Variants in GNA12 observed in about 807,000 individuals in gnomAD.
GNA12 encodes guanine nucleotide-binding protein subunit alpha-12.
GNA12 carries 9 observed loss-of-function variants against 26.0 expected under a neutral mutation model. The ratio of observed to expected loss-of-function variants is 0.35; its 90% confidence interval spans 0.21 to 0.60. The LOEUF is 0.60. GNA12 is among the 20% of genes least tolerant of loss of function. The probability of loss-of-function intolerance (pLI) is 0.78; values close to 1 mark genes in which losing one functional copy is unlikely to be tolerated. For synonymous variants in GNA12, 264 were observed against 219.6 expected (o/e 1.20, Z -1.79); for missense variants, 405 against 525.8 (o/e 0.77, Z 2.25).
At chr7:2,744,945 G>T (rs919386701) in intron 2 of GNA12, among the ~76,000 whole-genome samples, 7 of 152,156 alleles carry the variant, frequency 4.6e-5, no homozygotes, top group African/African-American at 1.7e-4. Context: ...TGAATGAAAT[G>T]AAGTGAGAAG....
rs183724239 is a variant in GNA12, at chr7:2,821,273, G to C, written c.309+22580C>G. ...TATCCTGAGGGGAGACTCTCCGCCT[G>C]TTCAACACAGGGACACGCTGCCTCC... On this transcript the variant is annotated intron_variant, in intron 1 of 3. Transcript: ENST00000275364. 1.9e-3 allele frequency among the ~76,000 whole-genome samples: 295 copies of C among 152,326 alleles called. 2 individuals carry two copies. Among genetic ancestry groups the C allele is most frequent in the South Asian group, 0.017 (84 of 4,828 alleles).
At chr7:2,831,271 T>C (rs1201712052) in intron 1 of GNA12, among the ~76,000 whole-genome samples, 2 of 152,116 alleles carry the variant, frequency 1.3e-5, no homozygotes, top group African/African-American at 4.8e-5. Flanking sequence ...CAGGGAGTTT[T>C]GCCTCCTGGT....
At chr7:2,775,788 G>C (rs1792062109) in intron 2 of GNA12, among the ~76,000 whole-genome samples, 1 of 152,208 alleles carries the variant, frequency 6.6e-6, no homozygotes, top group African/African-American at 2.4e-5. Context: ...TACAGGCCAG[G>C]CTCAGAATCA....
intron 1 of GNA12, among the ~76,000 whole-genome samples, chr7:2,815,447 CAG>C (rs1793196603): frequency 6.6e-6 from 1 of 152,182 alleles, no homozygotes; most frequent in Non-Finnish European, 1.5e-5. Flanking sequence ...AGAGATGACT[CAG>C]CGCAGGTTGG....
Position 2,728,485 on chromosome 7 carries a change from A to T in GNA12, c.*2696T>A, listed in dbSNP as rs1434452870. On this transcript the variant is annotated 3_prime_UTR_variant, in exon 4 of 4. Coordinates refer to ENST00000275364, the MANE Select transcript of GNA12 (RefSeq NM_007353.3). ...TTGAAACAATTTCTCTACGAACATA[A>T]GAGTTAAAAATAGATTTCAGTAAAA... 1 of 152,410 alleles carries T rather than the reference A, an allele frequency of 6.6e-6. No individual in the cohort carries two copies. The highest frequency in any genetic ancestry group is 2.4e-5 in the African/African-American group (1 of 41,448). 9.4% of individuals were successfully genotyped at this position (152,410 alleles called of 1,614,324 possible). A position where few individuals can be genotyped will look rare whatever the true frequency, so the allele number is the denominator to read the frequency against.
chr7:2,737,614 G>A (rs1368348430), intron 2 of GNA12, among the ~76,000 whole-genome samples: 1 of 152,138 alleles, frequency 6.6e-6, no homozygotes, highest in Non-Finnish European at 1.5e-5. Context: ...TGCACTTAGT[G>A]AGGTTAACTC....
chr7:2,815,111 G>A lies in GNA12; in HGVS notation c.310-19968C>T, dbSNP rs547081544. 6.6e-5 allele frequency: 64 copies of A among 975,944 alleles called. No individual in the cohort carries two copies. In the African/African-American group the frequency reaches 9.2e-4, roughly 14 times the overall value. 60.5% of individuals were successfully genotyped at this position (975,944 alleles called of 1,614,324 possible). A position where few individuals can be genotyped will look rare whatever the true frequency, so the allele number is the denominator to read the frequency against. On this transcript the variant is annotated intron_variant, in intron 1 of 3. Coordinates refer to ENST00000275364, the MANE Select transcript of GNA12 (RefSeq NM_007353.3). ...GAACCAGACAGACAAGGCCTTGCCCGCATGAGGCTTCCAAGCTCACTGGAG... is the reference window on the plus strand; with the variant it reads ...GAACCAGACAGACAAGGCCTTGCCCACATGAGGCTTCCAAGCTCACTGGAG...
At chr7:2,842,521 C>T (rs143560284) in intron 1 of GNA12, among the ~76,000 whole-genome samples, 1 of 152,212 alleles carries the variant, frequency 6.6e-6, no homozygotes, top group Non-Finnish European at 1.5e-5. Context: ...TGGTCTCAAA[C>T]TTCTGGCCTC....
chr7:2,779,676 A>G (rs965622375), intron 2 of GNA12, among the ~76,000 whole-genome samples: 5 of 152,052 alleles, frequency 3.3e-5, no homozygotes, highest in Admixed American at 2.0e-4. Flanking sequence ...TTGGCTCACT[A>G]CAACTTCAGC....
At chr7:2,778,797 A>G (rs1792142304) in intron 2 of GNA12, among the ~76,000 whole-genome samples, 1 of 152,220 alleles carries the variant, frequency 6.6e-6, no homozygotes, top group Admixed American at 6.5e-5. Context: ...ATATGTAGCG[A>G]AAATGGTGAG....
At chr7:2,836,433 G>A (rs941168908) in intron 1 of GNA12, among the ~76,000 whole-genome samples, 1 of 152,204 alleles carries the variant, frequency 6.6e-6, no homozygotes, top group Non-Finnish European at 1.5e-5. Flanking sequence ...CTTGAGGGAT[G>A]ACAAGGCAGT....
Position 2,730,160 on chromosome 7 carries a change from A to G in GNA12, c.*1021T>C, listed in dbSNP as rs1789815496. ...AGCTCGCCAAGCAGCTGGGGCATTA[A>G]CAAAAGCTCTGCTAGTGGCCTTGCC... On this transcript the variant is annotated 3_prime_UTR_variant, in exon 4 of 4. Coordinates refer to ENST00000275364, the MANE Select transcript of GNA12 (RefSeq NM_007353.3). The G allele has an allele frequency of 6.6e-6, 1 of 152,390 alleles. No individual in the cohort carries two copies. The highest frequency in any genetic ancestry group is 2.1e-4 in the South Asian group (1 of 4,840). The allele number at this position is 152,390 out of a possible 1,614,324, so 9.4% of individuals were successfully genotyped here. A position where few individuals can be genotyped will look rare whatever the true frequency, so the allele number is the denominator to read the frequency against.
intron 2 of GNA12, among the ~76,000 whole-genome samples, chr7:2,734,811 C>G (rs569970369): frequency 2.0e-5 from 3 of 152,196 alleles, no homozygotes; most frequent in African/African-American, 4.8e-5. Context: ...TGTGGCAGGA[C>G]GGGGCGAGCA....
chr7:2,755,089 G>A (rs1038094036), intron 2 of GNA12, among the ~76,000 whole-genome samples: 1 of 152,160 alleles, frequency 6.6e-6, no homozygotes, highest in African/African-American at 2.4e-5. Flanking sequence ...CGGGCGTGCT[G>A]GCGGGGAGCG....
chr7:2,746,788 G>A (rs914653476), intron 2 of GNA12, among the ~76,000 whole-genome samples: 6 of 152,092 alleles, frequency 3.9e-5, no homozygotes, highest in Admixed American at 2.0e-4. Flanking sequence ...TAATAAAGAA[G>A]AAAAGAGAGA....
At chr7:2,793,248 TG>T (rs1792565076) in intron 2 of GNA12, among the ~76,000 whole-genome samples, 1 of 149,602 alleles carries the variant, frequency 6.7e-6, no homozygotes, top group South Asian at 2.1e-4. Flanking sequence ...CTAAACACAA[TG>T]GGGGATTCCA....
At chr7:2,754,354 G>C (rs1183790418) in intron 2 of GNA12, among the ~76,000 whole-genome samples, 1 of 152,062 alleles carries the variant, frequency 6.6e-6, no homozygotes, top group African/African-American at 2.4e-5. Flanking sequence ...GTATTGTTTT[G>C]AGAGTTCTGT....
chr7:2,742,308 G>A (rs751058414), intron 2 of GNA12, among the ~76,000 whole-genome samples: 21 of 152,036 alleles, frequency 1.4e-4, no homozygotes, highest in Non-Finnish European at 2.6e-4. Context: ...GAGCCACCAC[G>A]CCCAGCCTAC....
rs1440795612 is a variant in GNA12, at chr7:2,844,238, C to G, written c.-77G>C. ...TCCCGCCGGCGAGGGCGAGCCCGGGCCGAGGCACCGCCCCACGCCCCGCCG... is the reference window on the plus strand; with the variant it reads ...TCCCGCCGGCGAGGGCGAGCCCGGGGCGAGGCACCGCCCCACGCCCCGCCG... On this transcript the variant is annotated 5_prime_UTR_variant, in exon 1 of 4. Transcript: ENST00000275364. 2.8e-6 allele frequency: 2 copies of G among 703,940 alleles called. No individual in the cohort carries two copies. The highest frequency in any genetic ancestry group is 2.7e-4 in the East Asian group (2 of 7,464). The allele number at this position is 703,940 out of a possible 1,614,324, so 43.6% of individuals were successfully genotyped here.
Sources: allele counts gnomAD v4.1 joint callset (sites outside exome capture counted in the v4.1 genomes callset), GRCh38; gene constraint gnomAD v4.1.1; transcripts MANE v1.5; gene names NCBI Gene and HGNC (gene_info 2026-07-23, HGNC 2026-07-21).